The following GABRG1 variants were observed in gnomAD, a reference collection of about 807,000 sequenced individuals.
The protein encoded by GABRG1 is gamma-aminobutyric acid type A receptor subunit gamma1, also known as gamma-aminobutyric acid receptor subunit gamma-1.
Under a neutral mutation model 49.8 loss-of-function variants are expected in GABRG1, and 49 were observed. That is an observed-to-expected ratio of 0.98 (90% CI 0.78 to 1.25). The LOEUF is 1.25. Among genes scored for constraint, GABRG1 ranks in the 50% most tolerant of loss-of-function variants. The probability of loss-of-function intolerance (pLI) is 0.00; values close to 1 mark genes in which losing one functional copy is unlikely to be tolerated. For synonymous variants in GABRG1, 232 were observed against 185.1 expected (o/e 1.25, Z -2.06); for missense variants, 552 against 552.3 (o/e 1.00, Z 0.01).
chr4:46,073,105 G>A (rs1719198269), intron 3 of GABRG1, among the ~76,000 whole-genome samples: 1 of 151,874 alleles, frequency 6.6e-6, no homozygotes, highest in Non-Finnish European at 1.5e-5. Flanking sequence ...TGATAAATTA[G>A]AAATGTTTCC....
chr4:46,113,147 A>G (rs181690609), intron 1 of GABRG1, among the ~76,000 whole-genome samples: 3 of 151,170 alleles, frequency 2.0e-5, no homozygotes, highest in African/African-American at 4.8e-5. Context: ...TGCCCGGCTT[A>G]TTTGTTTCTC....
chr4:46,105,578 T>A (rs1331750108), intron 1 of GABRG1, among the ~76,000 whole-genome samples: 1 of 151,306 alleles, frequency 6.6e-6, no homozygotes, highest in Non-Finnish European at 1.5e-5. Flanking sequence ...GAGGGAAAAA[T>A]TTTTAAGTTC....
chr4:46,085,701 T>C (rs1038794665), intron 2 of GABRG1, among the ~76,000 whole-genome samples: 1 of 151,532 alleles, frequency 6.6e-6, no homozygotes, highest in African/African-American at 2.4e-5. Context: ...CAGAAATCTG[T>C]AATTGCTTCT....
rs532769877 is a variant in GABRG1 at position 46,065,477 on chromosome 4, A to C, written c.429T>G (p.Ile143Met). 1 of 1,610,914 alleles carries C rather than the reference A, an allele frequency of 6.2e-7. No individual in the cohort carries two copies. The highest frequency in any genetic ancestry group is 1.1e-5 in the South Asian group (1 of 91,016). Residue 143 changes from isoleucine to methionine, a missense_variant, in exon 4 of 9, where the codon ATT (isoleucine) becomes ATG (methionine). Physicochemically the swap from Ile to Met is conservative, Grantham distance 10. Transcript: ENST00000295452. Reference sequence around the variant, plus strand: ...TTCTGAAGAAAGTGTCAGGAATCCAAATTTTTCCAACCATATTACTGTTAA... The same window carrying C: ...TTCTGAAGAAAGTGTCAGGAATCCACATTTTTCCAACCATATTACTGTTAA... ...LMLNSNMVGK[I>M]WIPDTFFRNS... is the part of the protein sequence containing the mutation.
intron 8 of GABRG1, among the ~76,000 whole-genome samples, chr4:46,050,814 G>A (rs1718186155): frequency 6.6e-6 from 1 of 151,616 alleles, no homozygotes; most frequent in African/African-American, 2.4e-5. Flanking sequence ...AGAGTGTCTG[G>A]AACATTCAAC....
At chr4:46,121,476 A>G (rs1302313424) in intron 1 of GABRG1, among the ~76,000 whole-genome samples, 1 of 152,004 alleles carries the variant, frequency 6.6e-6, no homozygotes, top group Non-Finnish European at 1.5e-5. Context: ...TAGCAAAAGC[A>G]TGCTTTATTT....
At chr4:46,045,046 C>T (rs960887255) in intron 8 of GABRG1, among the ~76,000 whole-genome samples, 4 of 152,040 alleles carry the variant, frequency 2.6e-5, no homozygotes, top group Admixed American at 6.6e-5. Flanking sequence ...CAGTTACATA[C>T]GAAACTTACC....
At chr4:46,114,332 T>A (rs1172142862) in intron 1 of GABRG1, among the ~76,000 whole-genome samples, 1 of 150,986 alleles carries the variant, frequency 6.6e-6, no homozygotes, top group Non-Finnish European at 1.5e-5. Context: ...GAAACTACAG[T>A]GGAACCTATC....
At chr4:46,104,149 G>A (rs1038214673) in intron 1 of GABRG1, among the ~76,000 whole-genome samples, 2 of 151,306 alleles carry the variant, frequency 1.3e-5, no homozygotes, top group East Asian at 3.9e-4. Flanking sequence ...ATTCACATGT[G>A]AAATGATTAT....
intron 1 of GABRG1, among the ~76,000 whole-genome samples, chr4:46,114,682 T>C (rs1720830345): frequency 6.6e-6 from 1 of 150,914 alleles, no homozygotes; most frequent in Non-Finnish European, 1.5e-5. Context: ...TTAAATCCTA[T>C]TGTGCTATTT....
intron 1 of GABRG1, among the ~76,000 whole-genome samples, chr4:46,115,420 A>T (rs570802399): frequency 1.3e-5 from 2 of 150,912 alleles, no homozygotes; most frequent in Admixed American, 6.6e-5. Flanking sequence ...TACACAGTAA[A>T]TTGTTATATA....
At chr4:46,122,259 G>T (rs565570209) in intron 1 of GABRG1, among the ~76,000 whole-genome samples, 81 of 152,064 alleles carry the variant, frequency 5.3e-4, no homozygotes, top group African/African-American at 1.9e-3. Flanking sequence ...ACATCTCTTG[G>T]GATAGATAAT....
intron 3 of GABRG1, among the ~76,000 whole-genome samples, chr4:46,079,308 G>A (rs1301670648): frequency 6.6e-6 from 1 of 151,612 alleles, no homozygotes; most frequent in Non-Finnish European, 1.5e-5. Context: ...TTAAATTGTC[G>A]TCTTCGTAAC....
In GABRG1 at chr4:46,058,281, T is replaced by A. The variant is rs1048478263; in HGVS notation, c.852A>T (p.Thr284=). 2 of 1,613,270 alleles carry A rather than the reference T, an allele frequency of 1.2e-6. No individual in the cohort carries two copies. Among genetic ancestry groups the A allele is most frequent in the Non-Finnish European group, 1.7e-6 (2 of 1,179,578 alleles). Residue 284 remains threonine (T), a synonymous_variant, in exon 7 of 9, where the codon ACA becomes ACT. Transcript: ENST00000295452. ...TIQTYIPCIL[T]VVLSWVSFWI... Reference sequence around the variant, plus strand: ...AAAAAGACACCCAAGAAAGAACAACTGTCAGAATGCATGGAATGTAGGTCT... The same window carrying A: ...AAAAAGACACCCAAGAAAGAACAACAGTCAGAATGCATGGAATGTAGGTCT...
At chr4:46,112,939 G>GAA (rs560529954) in intron 1 of GABRG1, among the ~76,000 whole-genome samples, 5 of 148,490 alleles carry the variant, frequency 3.4e-5, no homozygotes, top group African/African-American at 1.2e-4. Flanking sequence ...AATAAAAGTT[G>GAA]AAAAAAAAAT....
chr4:46,114,132 G>T (rs1720807483), intron 1 of GABRG1, among the ~76,000 whole-genome samples: 1 of 150,968 alleles, frequency 6.6e-6, no homozygotes, highest in Non-Finnish European at 1.5e-5. Flanking sequence ...TTGTAGCTCT[G>T]AATAATTTTT....
At chr4:46,107,414 T>C (rs575001005) in intron 1 of GABRG1, among the ~76,000 whole-genome samples, 1 of 151,314 alleles carries the variant, frequency 6.6e-6, no homozygotes, top group South Asian at 2.1e-4. Flanking sequence ...AATGCAGTCA[T>C]TCTAAATTCT....
intron 1 of GABRG1, among the ~76,000 whole-genome samples, chr4:46,117,557 TC>T: frequency 7.1e-6 from 1 of 140,248 alleles, no homozygotes; most frequent in Admixed American, 7.0e-5. Flanking sequence ...TCTGTCTCTC[TC>T]TCTCTCTCTC....
At chr4:46,112,241 C>G (rs1720739937) in intron 1 of GABRG1, among the ~76,000 whole-genome samples, 1 of 151,052 alleles carries the variant, frequency 6.6e-6, no homozygotes, top group Admixed American at 6.6e-5. Flanking sequence ...GGAACATATT[C>G]CACACCTCTA....
Sources: gnomAD v4.1 joint callset for allele counts (sites outside exome capture counted in the v4.1 genomes callset) on GRCh38, gnomAD v4.1.1 for gene constraint, MANE v1.5 for transcripts, NCBI Gene and HGNC (gene_info 2026-07-23, HGNC 2026-07-21) for gene names.